ZFPM2: variants seen among roughly 807,000 people sequenced by gnomAD.
ZFPM2 encodes the protein zinc finger protein, FOG family member 2, also known as zinc finger protein ZFPM2.
In ZFPM2, 20 loss-of-function variants were observed where a neutral mutation model predicts 98.6. The ratio of observed to expected loss-of-function variants is 0.20; its 90% CI spans 0.14 to 0.29. The LOEUF (loss-of-function observed/expected upper bound fraction) is 0.29. Among genes scored for constraint, ZFPM2 ranks in the 10% least tolerant of loss-of-function variants. The probability of loss-of-function intolerance (pLI) is 1.00; values close to 1 mark genes in which losing one functional copy is unlikely to be tolerated. For synonymous variants in ZFPM2, 518 were observed against 502.7 expected (o/e 1.03, Z -0.41); for missense variants, 1,310 against 1,388.6 (o/e 0.94, Z 0.90).
intron 5 of ZFPM2, among the ~76,000 whole-genome samples, chr8:105,640,983 G>A (rs35434512): frequency 0.11 from 16,581 of 151,874 alleles, 1,080 homozygotes; most frequent in South Asian, 0.22. Flanking sequence ...TTTAGCAGTG[G>A]GAATTATAAA....
chr8:105,749,469 G>C (rs1812427268), intron 5 of ZFPM2, among the ~76,000 whole-genome samples: 1 of 151,948 alleles, frequency 6.6e-6, no homozygotes, highest in South Asian at 2.1e-4. Flanking sequence ...TCCTCCCCAG[G>C]CTCCAAACTC....
chr8:105,336,735 T>C (rs1038671427), intron 1 of ZFPM2, among the ~76,000 whole-genome samples: 14 of 140,922 alleles, frequency 9.9e-5, no homozygotes, highest in African/African-American at 3.6e-4. Flanking sequence ...CACACAGACA[T>C]ATACATGCAG....
Position 105,802,448 on chromosome 8 carries a change from A to G in ZFPM2, c.2366A>G (p.Asp789Gly). 6.2e-7 allele frequency: 1 copy of G among 1,613,690 alleles called. No homozygotes were observed. The highest frequency in any genetic ancestry group is 1.1e-5 in the South Asian group (1 of 91,048). Residue 789 changes from aspartate to glycine, a missense_variant, in exon 8 of 8, where the codon GAT becomes GGT. By Grantham distance (94) the Asp-to-Gly change is moderately conservative. Transcript: ENST00000407775. ...GGAGAGTGCTACCACCCAAGATGTG[A>G]TATCTTTCCAGGAATTGTCTCTAAA... The part of the protein sequence containing the change: ...GLGECYHPRC[D>G]IFPGIVSKHL...
chr8:105,672,931 A>G (rs1817621903), intron 5 of ZFPM2, among the ~76,000 whole-genome samples: 1 of 152,126 alleles, frequency 6.6e-6, no homozygotes, highest in Admixed American at 6.6e-5. Flanking sequence ...ATTGCAGCAA[A>G]GAGAGTTATT....
At chr8:105,766,484 C>T (rs1812855024) in intron 5 of ZFPM2, among the ~76,000 whole-genome samples, 1 of 151,860 alleles carries the variant, frequency 6.6e-6, no homozygotes, top group Non-Finnish European at 1.5e-5. Context: ...GTTTCAGCCA[C>T]ACATTCTTGC....
intron 3 of ZFPM2, among the ~76,000 whole-genome samples, chr8:105,463,343 A>G (rs1586390797): frequency 6.6e-6 from 1 of 151,688 alleles, no homozygotes; most frequent in African/African-American, 2.4e-5. Context: ...TAAGCTATAT[A>G]TGTGTGTGTA....
intron 4 of ZFPM2, among the ~76,000 whole-genome samples, chr8:105,607,934 A>G (rs79438434): frequency 0.015 from 2,232 of 152,266 alleles, 71 homozygotes; most frequent in East Asian, 0.11. Flanking sequence ...AATATACGGA[A>G]TCAGTGTAAA....
At chr8:105,751,036 G>T (rs2131052504) in intron 5 of ZFPM2, among the ~76,000 whole-genome samples, 1 of 152,156 alleles carries the variant, frequency 6.6e-6, no homozygotes, top group Non-Finnish European at 1.5e-5. Context: ...TTTCCAATCA[G>T]ATTTGTTAAT....
chr8:105,796,477 G>A (rs1256283762), intron 6 of ZFPM2, among the ~76,000 whole-genome samples: 1 of 152,006 alleles, frequency 6.6e-6, no homozygotes, highest in Non-Finnish European at 1.5e-5. Flanking sequence ...AACTTGGAAG[G>A]GAAGGGTTAA....
chr8:105,790,714 T>C (rs988521389), intron 6 of ZFPM2, among the ~76,000 whole-genome samples: 2 of 152,246 alleles, frequency 1.3e-5, no homozygotes, highest in Admixed American at 1.3e-4. Context: ...TATTGATTCT[T>C]CCTACCCATG....
chr8:105,755,913 TG>T, intron 5 of ZFPM2, among the ~76,000 whole-genome samples: 1 of 152,310 alleles, frequency 6.6e-6, no homozygotes. Flanking sequence ...AAACATGATA[TG>T]GCTATCTGTC....
rs148310508 is a variant in ZFPM2 at position 105,515,563 on chromosome 8, T to C, written c.302-45800T>C. Among the ~76,000 whole-genome samples the C allele has an allele frequency of 2.0e-5, 3 of 152,332 alleles. No individual in the cohort carries two copies. The East Asian group carries it at 5.8e-4, about 29-fold the overall frequency. ...CAAGATCTTTAGTGTCTACCCTGCA[T>C]TCTTGTATTATTTAGAAACCTTTGT... is the stretch of plus-strand genomic sequence containing the variant. On this transcript the variant is annotated intron_variant, in intron 3 of 7. Transcript: ENST00000407775.
chr8:105,396,638 G>A (rs1271389958), intron 1 of ZFPM2, among the ~76,000 whole-genome samples: 1 of 152,148 alleles, frequency 6.6e-6, no homozygotes, highest in Non-Finnish European at 1.5e-5. Flanking sequence ...TTTGGTTAGA[G>A]CATAAATATC....
chr8:105,634,335 C>T lies in ZFPM2; in HGVS notation c.510C>T (p.Asn170=). The change falls in exon 5 of 8, where the codon AAC becomes AAT. Residue 170 remains asparagine (N), a synonymous_variant. Coordinates refer to ENST00000407775, the MANE Select transcript of ZFPM2 (RefSeq NM_012082.4). ...VTWQGVEDNK[N]NCIVYSKGGQ... is the part of the protein sequence containing the mutation. ...GGCAAGGAGTGGAAGACAACAAAAA[C>T]AACTGCATTGTGTACAGCAAAGGTA... 6.2e-7 allele frequency: 1 copy of T among 1,612,402 alleles called. No individual in the cohort carries two copies. The highest frequency in any genetic ancestry group is 1.7e-4 in the Middle Eastern group (1 of 6,056).
At chr8:105,679,370 A>C (rs780325754) in intron 5 of ZFPM2, among the ~76,000 whole-genome samples, 29 of 152,160 alleles carry the variant, frequency 1.9e-4, no homozygotes, top group Non-Finnish European at 3.5e-4. Flanking sequence ...TGATTTGCAC[A>C]TGTATGTTGA....
chr8:105,760,232 G>GA (rs1360485424), intron 5 of ZFPM2, among the ~76,000 whole-genome samples: 2 of 151,902 alleles, frequency 1.3e-5, no homozygotes, highest in Non-Finnish European at 2.9e-5. Flanking sequence ...AATTAAAGAG[G>GA]AAAAATCACA....
chr8:105,669,390 G>T (rs1203212639), intron 5 of ZFPM2, among the ~76,000 whole-genome samples: 3 of 150,526 alleles, frequency 2.0e-5, no homozygotes, highest in Non-Finnish European at 4.4e-5. Context: ...AAATAACATG[G>T]TTTAATGTCT....
intron 1 of ZFPM2, among the ~76,000 whole-genome samples, chr8:105,328,620 G>GT (rs1214335582): frequency 2.6e-5 from 4 of 151,736 alleles, no homozygotes; most frequent in Admixed American, 1.3e-4. Context: ...GTTTAAACAT[G>GT]TTTTTTCCAA....
intron 5 of ZFPM2, among the ~76,000 whole-genome samples, chr8:105,647,799 C>T (rs1170731833): frequency 6.6e-6 from 1 of 152,122 alleles, no homozygotes; most frequent in Admixed American, 6.5e-5. Context: ...TGGCTTGGTT[C>T]CAACTCTTTG....
Sources: gnomAD v4.1 joint callset for allele counts (sites outside exome capture counted in the v4.1 genomes callset) on GRCh38, gnomAD v4.1.1 for gene constraint, MANE v1.5 for transcripts, NCBI Gene and HGNC (gene_info 2026-07-23, HGNC 2026-07-21) for gene names.